POSTN: variants seen among roughly 807,000 people sequenced by gnomAD.
The protein encoded by POSTN is osteoblast specific factor 2 (fasciclin I-like).
A neutral mutation model predicts 104.5 loss-of-function variants in POSTN; 71 were observed. The observed-to-expected ratio is 0.68, with a 90% CI of 0.56 to 0.83. The LOEUF is 0.83. POSTN is among the 40% of genes least tolerant of loss of function. The pLI is 0.00. For missense variants in POSTN, 949 were observed against 1,006.8 expected, an observed-to-expected ratio of 0.94 and a Z score of 0.78; for synonymous variants, 355 against 340.7, an observed-to-expected ratio of 1.04 and a Z score of -0.46.
chr13:37,583,177 G>A (rs1456680960), intron 9 of POSTN, among the ~76,000 whole-genome samples: 1 of 152,084 alleles, frequency 6.6e-6, no homozygotes, highest in Non-Finnish European at 1.5e-5. Flanking sequence ...TCTGTGAATA[G>A]CAACTACTAG....
intron 21 of POSTN, among the ~76,000 whole-genome samples, chr13:37,567,227 C>T (rs1950135506): frequency 5.7e-5 from 1 of 17,472 alleles, no homozygotes; most frequent in African/African-American, 3.9e-4. Context: ...CAGAGCGAGA[C>T]TCCGTCTCAA....
In POSTN at chr13:37,582,436, T is replaced by C. The variant is rs762078639; in HGVS notation, c.1322A>G (p.Asn441Ser). The stretch of plus-strand genomic sequence containing the variant: ...CAGTATTTGCCCGTTGTAAAGCTCA[T>C]TAAGGCCAACTTTTACTTTCAATAT... ...NHILKVKVGL[N>S]ELYNGQILET... The change falls in exon 10 of 23, where the codon AAT becomes AGT. Residue 441 changes from asparagine to serine, a missense_variant. Asn to Ser is a conservative substitution (Grantham distance 46, BLOSUM62 1). Transcript: ENST00000379747. The C allele has an allele frequency of 3.1e-6, 5 of 1,613,982 alleles. No individual in the cohort carries two copies. Among genetic ancestry groups the C allele is most frequent in the Non-Finnish European group, 4.2e-6 (5 of 1,179,896 alleles).
In POSTN at chr13:37,570,599, T is replaced by C. The variant is rs920905541; in HGVS notation, c.2250A>G (p.Arg750=). The C allele has an allele frequency of 1.9e-5, 30 of 1,602,542 alleles. No individual in the cohort carries two copies. The highest frequency in any genetic ancestry group is 2.6e-5 in the Non-Finnish European group (30 of 1,170,074). Reference sequence around the variant, plus strand: ...GGCTACCTGTAATGATTCGTTCTTCTCGTGTCTCTTTTTCAGTTATTTCCA... The same window carrying C: ...GGCTACCTGTAATGATTCGTTCTTCCCGTGTCTCTTTTTCAGTTATTTCCA... ...VPVEITEKET[R]EERIITGPEI... is the part of the protein sequence containing the mutation. The change falls in exon 19 of 23, where the codon CGA becomes CGG. Residue 750 remains arginine (R), a synonymous_variant. Coordinates refer to ENST00000379747, the MANE Select transcript of POSTN (RefSeq NM_006475.3).
intron 1 of POSTN, 121 bp from the exon 2 acceptor site, chr13:37,597,403 C>T (rs1951116903): frequency 3.0e-6 from 2 of 658,630 alleles, no homozygotes; most frequent in Admixed American, 7.4e-5. Context: ...AGACATGATT[C>T]TAGCCTTGCA....
chr13:37,590,336 CAAAA>C, intron 4 of POSTN, 32 bp downstream of exon 4: 1 of 1,459,668 alleles, frequency 6.9e-7, no homozygotes, highest in South Asian at 1.4e-5. Context: ...ACAATAACAG[CAAAA>C]AATAAATATA....
At chr13:37,587,026 A>C in intron 5 of POSTN, 98 bp from the exon 6 acceptor site, 1 of 1,024,402 alleles carries the variant, frequency 9.8e-7, no homozygotes, top group Non-Finnish European at 1.5e-6. Flanking sequence ...ATACTAGTAA[A>C]TGTAACATAC....
At chr13:37,577,435 G>C (rs1261156967) in intron 16 of POSTN, among the ~76,000 whole-genome samples, 2 of 152,176 alleles carry the variant, frequency 1.3e-5, no homozygotes, top group African/African-American at 4.8e-5. Flanking sequence ...TGAATTTTTA[G>C]ATATTTCTAG....
At chr13:37,584,175 A>G (rs540848495) in intron 8 of POSTN, 72 bp from the exon 9 acceptor site, 80 of 1,551,052 alleles carry the variant, frequency 5.2e-5, no homozygotes, top group Non-Finnish European at 7.0e-5. Flanking sequence ...CTAGTAAATC[A>G]ATTCCTGACT....
intron 2 of POSTN, 128 bp downstream of exon 2, chr13:37,597,056 T>C (rs990049932): frequency 1.8e-6 from 1 of 554,416 alleles, no homozygotes; most frequent in South Asian, 3.0e-5. Flanking sequence ...TCCTTTCTTT[T>C]CTTTAAATAA....
At chr13:37,592,391 C>T (rs377387397) in intron 2 of POSTN, among the ~76,000 whole-genome samples, 3 of 152,074 alleles carry the variant, frequency 2.0e-5, no homozygotes, top group East Asian at 1.9e-4. Flanking sequence ...CTCCGCCTCT[C>T]GGGTTCACGC....
At chr13:37,570,793 A>G in intron 18 of POSTN, 124 bp from the exon 19 acceptor site, 1 of 665,702 alleles carries the variant, frequency 1.5e-6, no homozygotes. Flanking sequence ...TTCAATCATA[A>G]ACATTTTTAG....
chr13:37,595,577 A>G (rs940007241), intron 2 of POSTN, among the ~76,000 whole-genome samples: 3 of 152,178 alleles, frequency 2.0e-5, no homozygotes, highest in Admixed American at 6.5e-5. Flanking sequence ...AGAAATAAAG[A>G]CAATCTTGTG....
intron 11 of POSTN, 53 bp from the exon 12 acceptor site, chr13:37,580,044 C>T: frequency 6.6e-7 from 1 of 1,525,102 alleles, no homozygotes; most frequent in Non-Finnish European, 9.0e-7. Context: ...TAGGTATGTT[C>T]ACCTACAGTG....
chr13:37,576,778 G>A (rs1197324375), intron 16 of POSTN, among the ~76,000 whole-genome samples: 1 of 151,856 alleles, frequency 6.6e-6, no homozygotes, highest in Non-Finnish European at 1.5e-5. Flanking sequence ...GTGCTGAGCT[G>A]GCCTGATCCT....
At chr13:37,579,768 C>G in intron 12 of POSTN, 93 bp downstream of exon 12, 1 of 1,381,778 alleles carries the variant, frequency 7.2e-7, no homozygotes, top group Non-Finnish European at 9.8e-7. Flanking sequence ...AGAGAGGGGG[C>G]ATTTTTAAGG....
intron 18 of POSTN, 38 bp from the exon 19 acceptor site, chr13:37,570,707 T>C: frequency 7.8e-7 from 1 of 1,285,702 alleles, no homozygotes; most frequent in Admixed American, 1.7e-5. Context: ...TGATTTACCC[T>C]CATATTGTGA....
At chr13:37,578,727 A>T in intron 15 of POSTN, 117 bp downstream of exon 15, 6 of 809,552 alleles carry the variant, frequency 7.4e-6, no homozygotes, top group Non-Finnish European at 1.1e-5. Context: ...TGAACATGGG[A>T]GGCGGAGCTT....
chr13:37,565,405 AT>A (rs1442097569), intron 21 of POSTN: 4 of 151,756 alleles, frequency 2.6e-5, no homozygotes, highest in Non-Finnish European at 5.9e-5. Context: ...ATCTTTTTAA[AT>A]TTTTTCTCCA....
chr13:37,596,384 G>T (rs1282652955), intron 2 of POSTN, among the ~76,000 whole-genome samples: 2 of 152,042 alleles, frequency 1.3e-5, no homozygotes, highest in Admixed American at 1.3e-4. Flanking sequence ...GTAAAATAAA[G>T]ACTTTGGATC....
Sources: allele counts gnomAD v4.1 joint callset (sites outside exome capture counted in the v4.1 genomes callset), GRCh38; gene constraint gnomAD v4.1.1; transcripts MANE v1.5; gene names NCBI Gene and HGNC (gene_info 2026-07-23, HGNC 2026-07-21).